The following CACNA1C variants were observed in gnomAD, a reference collection of about 807,000 sequenced individuals.
CACNA1C encodes the protein voltage-dependent L-type calcium channel subunit alpha-1C.
A neutral mutation model predicts 229.0 loss-of-function variants in CACNA1C; 30 were observed. That is an observed-to-expected ratio of 0.13 (90% confidence interval 0.10 to 0.18). The LOEUF (loss-of-function observed/expected upper bound fraction) is 0.18, where lower values mean the gene tolerates loss of function less well. Ranked by LOEUF, CACNA1C falls within the 10% of genes least tolerant of loss-of-function variation. The pLI, the probability that CACNA1C is intolerant of heterozygous loss-of-function variation, is 1.00. For missense variants in CACNA1C, 1,658 were observed against 2,845.0 expected (o/e 0.58, Z 9.49); for synonymous variants, 1,114 against 1,132.5 (o/e 0.98, Z 0.33).
At chr12:2,599,305 G>A (rs1055866380) in intron 21 of CACNA1C, among the ~76,000 whole-genome samples, 2 of 152,114 alleles carry the variant, frequency 1.3e-5, no homozygotes, top group Non-Finnish European at 2.9e-5. Context: ...CCTCTTCCCG[G>A]CCTAAGGCCC....
intron 3 of CACNA1C, among the ~76,000 whole-genome samples, chr12:2,271,994 T>A (rs921243331): frequency 5.9e-5 from 9 of 152,200 alleles, no homozygotes; most frequent in Non-Finnish European, 1.3e-4. Flanking sequence ...AGCATACTCT[T>A]CTGGGCAGAG....
At chr12:2,544,915 G>A (rs1036109756) in intron 9 of CACNA1C, among the ~76,000 whole-genome samples, 1 of 152,208 alleles carries the variant, frequency 6.6e-6, no homozygotes, top group Non-Finnish European at 1.5e-5. Flanking sequence ...TGCAGGCATT[G>A]CAGTTTTTGG....
intron 1 of CACNA1C, among the ~76,000 whole-genome samples, chr12:2,040,569 G>C (rs2049912937): frequency 6.6e-6 from 1 of 152,196 alleles, no homozygotes; most frequent in Admixed American, 6.5e-5. Context: ...TGAAGAACTG[G>C]TTTTAAGCAT....
chr12:2,241,458 G>A (rs1184821615), intron 3 of CACNA1C, among the ~76,000 whole-genome samples: 2 of 152,174 alleles, frequency 1.3e-5, no homozygotes, highest in East Asian at 1.9e-4. Context: ...AGGAGAGCAC[G>A]CGTGTGGGAT....
chr12:2,553,813 A>C (rs964903565), intron 10 of CACNA1C, among the ~76,000 whole-genome samples: 1 of 152,176 alleles, frequency 6.6e-6, no homozygotes, highest in Non-Finnish European at 1.5e-5. Flanking sequence ...AAAGAGCAGG[A>C]GGGATCATAG....
intron 1 of CACNA1C, among the ~76,000 whole-genome samples, chr12:1,989,923 ATCTC>A (rs1260708334): frequency 1.3e-5 from 2 of 152,210 alleles, no homozygotes; most frequent in Non-Finnish European, 2.9e-5. Flanking sequence ...GTAAAAACTA[ATCTC>A]TCTAATAACT....
chr12:2,531,872 A>C (rs550880454), intron 9 of CACNA1C, among the ~76,000 whole-genome samples: 2 of 152,132 alleles, frequency 1.3e-5, no homozygotes, highest in East Asian at 3.9e-4. Flanking sequence ...ACTCCTCTAC[A>C]ACACCTTCAC....
chr12:2,334,849 T>C (rs760345792), intron 3 of CACNA1C, among the ~76,000 whole-genome samples: 6 of 152,166 alleles, frequency 3.9e-5, no homozygotes, highest in Non-Finnish European at 5.9e-5. Flanking sequence ...CCTCCTAAAT[T>C]AGATAGAAAT....
intron 7 of CACNA1C, among the ~76,000 whole-genome samples, chr12:2,495,479 A>T (rs993765603): frequency 6.6e-6 from 1 of 152,144 alleles, no homozygotes; most frequent in African/African-American, 2.4e-5. Flanking sequence ...GCCTTTGCTG[A>T]TGTATTTTTG....
At chr12:2,587,939 G>GT (rs1034006141) in intron 18 of CACNA1C, among the ~76,000 whole-genome samples, 3 of 152,128 alleles carry the variant, frequency 2.0e-5, no homozygotes, top group Non-Finnish European at 4.4e-5. Flanking sequence ...ACTATCCCTG[G>GT]TTTCCAGGTC....
intron 3 of CACNA1C, among the ~76,000 whole-genome samples, chr12:2,368,037 A>C (rs2097767020): frequency 6.6e-6 from 1 of 152,226 alleles, no homozygotes; most frequent in East Asian, 1.9e-4. Context: ...GAATTCAAGG[A>C]CTATTCAATG....
chr12:2,105,682 C>G (rs2078081842), intron 1 of CACNA1C, among the ~76,000 whole-genome samples: 1 of 135,208 alleles, frequency 7.4e-6, no homozygotes, highest in East Asian at 2.3e-4. Flanking sequence ...CCACTGGGCG[C>G]CCACCCCGGG....
chr12:2,537,617 G>A (rs11062260), intron 9 of CACNA1C, among the ~76,000 whole-genome samples: 9,860 of 152,290 alleles, frequency 0.065, 479 homozygotes, highest in African/African-American at 0.13. Context: ...ATCATACCAC[G>A]TGGGTGACCA....
At chr12:2,659,974 A>C (rs1603405449) in intron 34 of CACNA1C, 1 of 202,330 alleles carries the variant, frequency 4.9e-6, no homozygotes, top group Non-Finnish European at 1.1e-5. Context: ...AGTGGCTGCC[A>C]GAAACTCATT....
intron 3 of CACNA1C, among the ~76,000 whole-genome samples, chr12:2,187,779 G>A (rs769505154): frequency 4.6e-5 from 7 of 152,246 alleles, no homozygotes; most frequent in Non-Finnish European, 8.8e-5. Flanking sequence ...AGCAAAAGCC[G>A]ACTTTGCTCG....
upstream of CACNA1C, among the ~76,000 whole-genome samples, chr12:2,052,775 GGAGGGGGCCCGACTT>G (rs2052611822): frequency 3.4e-5 from 5 of 145,608 alleles, no homozygotes; most frequent in South Asian, 1.0e-3. Context: ...GCGGGCGCCG[GGAGGGGGCCCGACTT>G]CGGGCTCCAG....
chr12:2,454,456 G>T lies in CACNA1C; in HGVS notation c.618-3111G>T, dbSNP rs117831375. Among the ~76,000 whole-genome samples the T allele has an allele frequency of 8.6e-3, 1,314 of 152,122 alleles. 8 individuals carry two copies. Among genetic ancestry groups the T allele is most frequent in the Non-Finnish European group, 0.013 (886 of 67,994 alleles). On this transcript the variant is annotated intron_variant, in intron 4 of 46. Coordinates refer to ENST00000399655, the MANE Select transcript of CACNA1C (RefSeq NM_000719.7). ...TCGTCCCACCGCACTCTTCATCCCTGCCACCATGTCCACCCTCCTTCCAGC... is the reference window on the plus strand; with the variant it reads ...TCGTCCCACCGCACTCTTCATCCCTTCCACCATGTCCACCCTCCTTCCAGC...
At position 2,604,179 on chromosome 12, in the gene CACNA1C, G is replaced by A. The variant is rs113540386; in HGVS notation, c.2961-902G>A. On this transcript the variant is annotated intron_variant, in intron 22 of 46. Transcript: ENST00000399655. The stretch of plus-strand genomic sequence containing the variant: ...TTTAGGTTGTGTGGCTGGCTTTGAG[G>A]AAACGGGGTTCTGGGTTCTGGTTTC... Among the ~76,000 whole-genome samples the A allele has an allele frequency of 4.1e-4, 62 of 152,332 alleles. 1 individual carries two copies. The highest frequency in any genetic ancestry group is 1.4e-3 in the African/African-American group (60 of 41,574).
At chr12:2,631,730 G>T (rs967337669) in intron 29 of CACNA1C, among the ~76,000 whole-genome samples, 1 of 152,166 alleles carries the variant, frequency 6.6e-6, no homozygotes, top group Admixed American at 6.5e-5. Flanking sequence ...CCTCACCCAC[G>T]CCCTGGTCAG....
Sources: gnomAD v4.1 joint callset for allele counts (sites outside exome capture counted in the v4.1 genomes callset) on GRCh38, gnomAD v4.1.1 for gene constraint, MANE v1.5 for transcripts, NCBI Gene and HGNC (gene_info 2026-07-23, HGNC 2026-07-21) for gene names.